The following SLC25A21 variants were observed in gnomAD, a reference collection of about 807,000 sequenced individuals.
SLC25A21 encodes mitochondrial 2-oxodicarboxylate carrier.
In SLC25A21, 47 loss-of-function variants were observed where a neutral mutation model predicts 43.8. The observed-to-expected ratio is 1.07, with a 90% CI of 0.85 to 1.37. The LOEUF is 1.37. Among genes scored for constraint, SLC25A21 ranks in the 40% most tolerant of loss-of-function variants. SLC25A21 has a pLI of 0.00. For missense variants in SLC25A21, 352 were observed against 350.2 expected, an observed-to-expected ratio of 1.00 and a Z score of -0.04; for synonymous variants, 131 against 121.3, an observed-to-expected ratio of 1.08 and a Z score of -0.52.
At chr14:36,978,847 T>C (rs10129948) in intron 1 of SLC25A21, among the ~76,000 whole-genome samples, 53,153 of 151,914 alleles carry the variant, frequency 0.35, 12,333 homozygotes, top group African/African-American at 0.67. Context: ...TTGCTAGGAG[T>C]GCTAATATCA....
chr14:36,968,498 T>C (rs1959670525), intron 1 of SLC25A21, among the ~76,000 whole-genome samples: 1 of 152,158 alleles, frequency 6.6e-6, no homozygotes. Flanking sequence ...AGGAAGTCTT[T>C]TCTCTTTTCA....
chr14:36,720,949 C>A (rs1258611659), intron 6 of SLC25A21, among the ~76,000 whole-genome samples: 2 of 152,184 alleles, frequency 1.3e-5, no homozygotes, highest in African/African-American at 4.8e-5. Flanking sequence ...CTGATAATGA[C>A]CTAAGGCACA....
chr14:37,004,921 A>G (rs1416429154), intron 1 of SLC25A21, among the ~76,000 whole-genome samples: 2 of 133,762 alleles, frequency 1.5e-5, no homozygotes, highest in Non-Finnish European at 3.0e-5. Flanking sequence ...AATGGCAGGG[A>G]AGGAATTTTT....
chr14:37,078,020 A>G (rs4356385), intron 1 of SLC25A21, among the ~76,000 whole-genome samples: 32,291 of 147,684 alleles, frequency 0.22, 7,900 homozygotes, highest in African/African-American at 0.6. Flanking sequence ...TTAAAATTTG[A>G]GATTTAAGTT....
At chr14:36,759,351 A>T (rs950304826) in intron 3 of SLC25A21, among the ~76,000 whole-genome samples, 1 of 152,178 alleles carries the variant, frequency 6.6e-6, no homozygotes, top group Non-Finnish European at 1.5e-5. Flanking sequence ...TTTCCTTCTG[A>T]AAAAAACAGG....
intron 1 of SLC25A21, among the ~76,000 whole-genome samples, chr14:36,904,631 C>G (rs2138602870): frequency 6.6e-6 from 1 of 152,222 alleles, no homozygotes; most frequent in South Asian, 2.1e-4. Context: ...GCTGGGGAGG[C>G]CTTAGAAAAC....
At chr14:36,791,668 T>C (rs781671429) in intron 3 of SLC25A21, among the ~76,000 whole-genome samples, 5 of 152,216 alleles carry the variant, frequency 3.3e-5, no homozygotes, top group Non-Finnish European at 5.9e-5. Context: ...CAATGAAAGT[T>C]TTATTTTAAG....
rs529007300 is a variant in SLC25A21, at chr14:36,849,688, GCC to G, written c.119+25266_119+25267del. Among the ~76,000 whole-genome samples, 79 of 152,228 alleles carry G rather than the reference GCC, an allele frequency of 5.2e-4. 1 individual carries two copies. The highest frequency in any genetic ancestry group is 1.7e-3 in the African/African-American group (71 of 41,536). On this transcript the variant is annotated intron_variant, in intron 2 of 9. Transcript: ENST00000331299. ...TGCCATTTCTAAAGCTTGAAGCTGT[GCC>G]AATATTTGAGACAGTCTATCTAGAT...
At chr14:37,086,563 T>C (rs936977960) in intron 1 of SLC25A21, among the ~76,000 whole-genome samples, 1 of 152,212 alleles carries the variant, frequency 6.6e-6, no homozygotes. Context: ...GGCTGGATTG[T>C]AGAGCCTTGA....
At chr14:36,919,701 C>T (rs1176181295) in intron 1 of SLC25A21, among the ~76,000 whole-genome samples, 1 of 151,804 alleles carries the variant, frequency 6.6e-6, no homozygotes, top group Non-Finnish European at 1.5e-5. Flanking sequence ...GAAATAGCCA[C>T]AGGCTGAAGT....
intron 1 of SLC25A21, among the ~76,000 whole-genome samples, chr14:36,985,177 G>A (rs1960117594): frequency 6.8e-6 from 1 of 146,088 alleles, no homozygotes; most frequent in African/African-American, 2.6e-5. Flanking sequence ...GGACTGTTGT[G>A]GGATGGGGGG....
Position 36,813,957 on chromosome 14 carries a change from C to G in SLC25A21, c.164G>C (p.Ser55Thr), listed in dbSNP as rs1361822099. The G allele has an allele frequency of 6.2e-7, 1 of 1,610,158 alleles. No homozygotes were observed. Reference sequence around the variant, plus strand: ...AATCATTCGAAAGCTGTCTACCAAGCTTTTATAACTGTTTGGATCGGTTGC... The same window carrying G: ...AATCATTCGAAAGCTGTCTACCAAGGTTTTATAACTGTTTGGATCGGTTGC... Reference protein sequence around the residue: ...RCATDPNSYKSLVDSFRMIFQ... With the variant: ...RCATDPNSYKTLVDSFRMIFQ... The change falls in exon 3 of 10, where the codon AGC becomes ACC. Residue 55 changes from serine (S) to threonine (T), a missense_variant. Ser to Thr is a moderately conservative substitution (Grantham distance 58). Transcript: ENST00000331299.
chr14:36,734,382 T>C, intron 4 of SLC25A21, 125 bp downstream of exon 4: 3 of 592,492 alleles, frequency 5.1e-6, no homozygotes, highest in Non-Finnish European at 8.6e-6. Context: ...AAAATTATGC[T>C]ATAATTTCTG....
intron 1 of SLC25A21, among the ~76,000 whole-genome samples, chr14:37,065,787 C>T (rs187470900): frequency 8.9e-4 from 136 of 151,966 alleles, no homozygotes; most frequent in African/African-American, 3.0e-3. Flanking sequence ...ATTATGCATA[C>T]TATATTTAAA....
chr14:36,939,686 A>G (rs1403162932), intron 1 of SLC25A21, among the ~76,000 whole-genome samples: 1 of 152,114 alleles, frequency 6.6e-6, no homozygotes, highest in Non-Finnish European at 1.5e-5. Context: ...AAATGTATTT[A>G]ATATTTAAAT....
At chr14:37,011,406 A>C (rs1960729087) in intron 1 of SLC25A21, among the ~76,000 whole-genome samples, 1 of 151,994 alleles carries the variant, frequency 6.6e-6, no homozygotes, top group African/African-American at 2.4e-5. Context: ...GAGATAATAA[A>C]AGTAATAAAG....
intron 1 of SLC25A21, among the ~76,000 whole-genome samples, chr14:36,899,704 G>T (rs1213854251): frequency 6.6e-6 from 1 of 152,190 alleles, no homozygotes; most frequent in African/African-American, 2.4e-5. Flanking sequence ...TTATTAAAAT[G>T]AGCAGAATCT....
At chr14:36,823,102 CT>C (rs1413708072) in intron 2 of SLC25A21, among the ~76,000 whole-genome samples, 1 of 152,130 alleles carries the variant, frequency 6.6e-6, no homozygotes, top group Non-Finnish European at 1.5e-5. Context: ...AGTTCTTCTA[CT>C]TGTTTATATT....
intron 1 of SLC25A21, among the ~76,000 whole-genome samples, chr14:37,011,713 T>C (rs947669740): frequency 9.8e-5 from 15 of 152,314 alleles, no homozygotes; most frequent in Admixed American, 5.2e-4. Context: ...ATTTGATATA[T>C]AGGAATCCAT....
Sources: gnomAD v4.1 joint callset for allele counts (sites outside exome capture counted in the v4.1 genomes callset) on GRCh38, gnomAD v4.1.1 for gene constraint, MANE v1.5 for transcripts, NCBI Gene and HGNC (gene_info 2026-07-23, HGNC 2026-07-21) for gene names.